The following STK32B variants were observed in gnomAD, a reference collection of about 807,000 sequenced individuals.
STK32B encodes serine/threonine kinase 32B, also known as serine/threonine-protein kinase 32B.
STK32B carries 43 observed loss-of-function variants against 52.6 expected under a neutral mutation model. That is an observed-to-expected ratio of 0.82 (90% CI 0.64 to 1.05). The LOEUF is 1.05. Among genes scored for constraint, STK32B ranks in the 50% least tolerant of loss-of-function variants. STK32B has a pLI of 0.00. For synonymous variants in STK32B, 238 were observed against 204.3 expected (o/e 1.17, Z -1.41); for missense variants, 621 against 534.6 (o/e 1.16, Z -1.59).
At position 5,279,193 on chromosome 4, in the gene STK32B, T is replaced by C. The variant is rs185271799; in HGVS notation, c.261-52027T>C. ...TCTCATCTGAGACAAGGCAAGTCCC[T>C]TCCACCTATAAGCCTGTGAAATCAA... On this transcript the variant is annotated intron_variant, in intron 3 of 11. Coordinates refer to ENST00000282908, the MANE Select transcript of STK32B (RefSeq NM_018401.3). 6.7e-3 allele frequency among the ~76,000 whole-genome samples: 1,017 copies of C among 152,318 alleles called. 5 individuals carry two copies. The highest frequency in any genetic ancestry group is 0.01 in the Middle Eastern group (3 of 294).
intron 6 of STK32B, among the ~76,000 whole-genome samples, chr4:5,435,447 C>T (rs1219018575): frequency 6.6e-6 from 1 of 152,176 alleles, no homozygotes; most frequent in Non-Finnish European, 1.5e-5. Flanking sequence ...CCCAGAGCAA[C>T]TCGCTCCTTC....
chr4:5,444,257 C>G (rs531417084), intron 6 of STK32B, among the ~76,000 whole-genome samples: 3 of 152,214 alleles, frequency 2.0e-5, no homozygotes, highest in Non-Finnish European at 4.4e-5. Flanking sequence ...AGCGAGACTC[C>G]GTGGGTGTAG....
At chr4:5,355,812 G>A (rs775101458) in intron 4 of STK32B, among the ~76,000 whole-genome samples, 6 of 152,156 alleles carry the variant, frequency 3.9e-5, no homozygotes, top group Non-Finnish European at 7.4e-5. Flanking sequence ...CCACAGCTAT[G>A]CAACCTCTCA....
At chr4:5,494,273 T>C (rs1001163485) in intron 11 of STK32B, among the ~76,000 whole-genome samples, 1 of 152,234 alleles carries the variant, frequency 6.6e-6, no homozygotes, top group Non-Finnish European at 1.5e-5. Context: ...CTGTATTGGG[T>C]GCACATATAT....
chr4:5,149,488 G>A (rs182383584), intron 2 of STK32B, among the ~76,000 whole-genome samples: 6 of 151,602 alleles, frequency 4.0e-5, no homozygotes, highest in Admixed American at 1.3e-4. Flanking sequence ...GTAAGTATAC[G>A]TTCCAGTATT....
At chr4:5,052,308 G>A (rs1341021673) in intron 1 of STK32B, among the ~76,000 whole-genome samples, 2 of 152,158 alleles carry the variant, frequency 1.3e-5, no homozygotes, top group African/African-American at 4.8e-5. Context: ...GCCTGGAAGG[G>A]CGGGTTGCAC....
At position 5,394,340 on chromosome 4, in the gene STK32B, C is replaced by T. The variant is rs910875248; in HGVS notation, c.435-3867C>T. 1.3e-5 allele frequency among the ~76,000 whole-genome samples: 2 copies of T among 152,144 alleles called. No homozygotes were observed. The highest frequency in any genetic ancestry group is 2.4e-5 in the African/African-American group (1 of 41,432). ...TCCCATCCATGCAATGCTCCTGATG[C>T]CCTTTCTGAACGTTCAAACCCGTTT... On this transcript the variant is annotated intron_variant, in intron 4 of 11. Transcript: ENST00000282908. This position sits in a 1 kb window ranked among gnomAD's most constrained non-coding sequence, Gnocchi z 4.2.
At chr4:5,479,731 TG>T (rs1269907496) in intron 11 of STK32B, among the ~76,000 whole-genome samples, 6 of 152,362 alleles carry the variant, frequency 3.9e-5, no homozygotes, top group Non-Finnish European at 8.8e-5. Flanking sequence ...GAATGACTTT[TG>T]CTTTTTTCTC....
At chr4:5,406,005 A>C (rs1443025842) in intron 5 of STK32B, among the ~76,000 whole-genome samples, 9 of 152,202 alleles carry the variant, frequency 5.9e-5, no homozygotes, top group Non-Finnish European at 1.5e-5. Flanking sequence ...AGACAATACC[A>C]GTAACTTCCA....
intron 3 of STK32B, among the ~76,000 whole-genome samples, chr4:5,174,719 C>T (rs1017809395): frequency 6.6e-6 from 1 of 152,162 alleles, no homozygotes; most frequent in African/African-American, 2.4e-5. Flanking sequence ...ACCTTTCTCT[C>T]TGGCTGCCCT....
intron 7 of STK32B, 54 bp downstream of exon 7, chr4:5,446,830 G>A (rs1023947063): frequency 2.5e-5 from 39 of 1,573,076 alleles, no homozygotes; most frequent in Middle Eastern, 1.7e-4. Flanking sequence ...GGGGGCTCAC[G>A]TTGTACCTGG....
At chr4:5,364,133 C>T (rs1275253281) in intron 4 of STK32B, among the ~76,000 whole-genome samples, 1 of 152,204 alleles carries the variant, frequency 6.6e-6, no homozygotes, top group Non-Finnish European at 1.5e-5. Context: ...TGCCTTAGCA[C>T]TGTCATTCAA....
At chr4:5,446,227 A>G (rs1577514745) in intron 6 of STK32B, among the ~76,000 whole-genome samples, 1 of 152,308 alleles carries the variant, frequency 6.6e-6, no homozygotes, top group East Asian at 1.9e-4. Flanking sequence ...GAGGGTACAA[A>G]CCACATGGCA....
chr4:5,065,632 C>G (rs970161279), intron 1 of STK32B, among the ~76,000 whole-genome samples: 8 of 152,186 alleles, frequency 5.3e-5, no homozygotes, highest in Non-Finnish European at 2.9e-5. Context: ...GGAGAAATGT[C>G]TACAGGGTCC....
At chr4:5,480,579 G>GT (rs34446697) in intron 11 of STK32B, among the ~76,000 whole-genome samples, 154 of 149,408 alleles carry the variant, frequency 1.0e-3, no homozygotes, top group Middle Eastern at 7.0e-3. Flanking sequence ...TGGAGACCAC[G>GT]TTTTTTTTTT....
chr4:5,495,560 C>T (rs1200832800), intron 11 of STK32B, among the ~76,000 whole-genome samples: 1 of 152,216 alleles, frequency 6.6e-6, no homozygotes, highest in African/African-American at 2.4e-5. Context: ...TCGTCTGAAG[C>T]CTTCTTCTCT....
the STK32B span, among the ~76,000 whole-genome samples, chr4:5,046,435 C>T: frequency 2.0e-5 from 3 of 152,130 alleles, no homozygotes; most frequent in Non-Finnish European, 2.9e-5. Flanking sequence ...ATAGGCTATA[C>T]CATTCAGGAC....
At chr4:5,075,001 A>C (rs563104249) in intron 1 of STK32B, among the ~76,000 whole-genome samples, 26 of 152,198 alleles carry the variant, frequency 1.7e-4, no homozygotes, top group Admixed American at 7.2e-4. Flanking sequence ...AAGCTCTTTC[A>C]ATTTTTCACC....
intron 3 of STK32B, among the ~76,000 whole-genome samples, chr4:5,179,984 A>G (rs77563262): frequency 6.6e-6 from 1 of 152,300 alleles, no homozygotes; most frequent in South Asian, 2.1e-4. Context: ...TTCCTGACAC[A>G]GTGGAGGACA....
Sources: allele counts gnomAD v4.1 joint callset (sites outside exome capture counted in the v4.1 genomes callset), GRCh38; gene constraint gnomAD v4.1.1; non-coding constraint Gnocchi (gnomAD v3.1); transcripts MANE v1.5; gene names NCBI Gene and HGNC (gene_info 2026-07-23, HGNC 2026-07-21).